UHRF2: variants seen among roughly 807,000 people sequenced by gnomAD.
UHRF2 encodes the protein E3 ubiquitin-protein ligase UHRF2.
Under a neutral mutation model 96.8 loss-of-function variants are expected in UHRF2, and 23 were observed. That is an observed-to-expected ratio of 0.24 (90% confidence interval 0.17 to 0.34). The LOEUF (loss-of-function observed/expected upper bound fraction) is 0.34. UHRF2 is among the 10% of genes least tolerant of loss of function. The pLI is 1.00. For missense variants in UHRF2, 685 were observed against 981.5 expected, an observed-to-expected ratio of 0.70 and a Z score of 4.04; for synonymous variants, 385 against 332.6, an observed-to-expected ratio of 1.16 and a Z score of -1.72.
rs1819503784 is a variant in UHRF2 at position 6,414,928 on chromosome 9, A to G, written c.153+1285A>G. On this transcript the variant is annotated intron_variant, in intron 1 of 15. Coordinates refer to ENST00000276893, the MANE Select transcript of UHRF2 (RefSeq NM_152896.3). ...CTTGTAAAAACAGGTATTTAGTTGT[A>G]AGCTTTGCTTTTGAAATAATTGTAC... Among the ~76,000 whole-genome samples the G allele has an allele frequency of 4.6e-5, 7 of 152,336 alleles. No individual in the cohort carries two copies. The South Asian group carries it at 1.4e-3, about 32-fold the overall frequency.
chr9:6,450,943 G>A (rs148208174), intron 3 of UHRF2, among the ~76,000 whole-genome samples: 2 of 152,172 alleles, frequency 1.3e-5, no homozygotes, highest in African/African-American at 2.4e-5. Flanking sequence ...AGGTCTTTTC[G>A]TTGGAAAAGA....
chr9:6,472,242 T>C, intron 4 of UHRF2, among the ~76,000 whole-genome samples: 1 of 152,208 alleles, frequency 6.6e-6, no homozygotes, highest in Non-Finnish European at 1.5e-5. Context: ...ATGTGTACTC[T>C]AGCTGCTAGC....
rs766612231 is a variant in UHRF2, at chr9:6,493,817, C to G, written c.1498-9C>G. The G allele has an allele frequency of 2.5e-6, 4 of 1,604,346 alleles. No homozygotes were observed. Among genetic ancestry groups the G allele is most frequent in the African/African-American group, 1.3e-5 (1 of 74,486 alleles). On this transcript the variant is annotated splice_polypyrimidine_tract_variant and intron_variant, in intron 9 of 15. Transcript: ENST00000276893. ...TAGCTTTCTTAATAAAGAAAATCTT[C>G]TCTGACAGGACCGAGGTGATGAGTT...
chr9:6,425,694 C>T (rs1820215953), intron 2 of UHRF2, among the ~76,000 whole-genome samples: 2 of 151,946 alleles, frequency 1.3e-5, no homozygotes, highest in African/African-American at 4.8e-5. Context: ...ACCCAGGAAG[C>T]AGAGGTTACG....
chr9:6,504,790 G>A (rs1587892568), intron 15 of UHRF2, 99 bp downstream of exon 15: 2 of 851,828 alleles, frequency 2.3e-6, no homozygotes, highest in Admixed American at 2.9e-5. Context: ...CCGTGAAGCG[G>A]GATAGTTGCG....
chr9:6,418,024 A>C (rs1016655605), intron 1 of UHRF2, among the ~76,000 whole-genome samples: 11 of 152,238 alleles, frequency 7.2e-5, no homozygotes, highest in East Asian at 3.9e-4. Context: ...TGCATGTTTT[A>C]TACTGTTAGT....
intron 15 of UHRF2, among the ~76,000 whole-genome samples, chr9:6,505,286 T>C (rs549960316): frequency 1.8e-4 from 27 of 152,146 alleles, no homozygotes; most frequent in African/African-American, 5.3e-4. Flanking sequence ...TATATGCGTG[T>C]GTGTGTGTGT....
intron 3 of UHRF2, among the ~76,000 whole-genome samples, chr9:6,442,864 C>G (rs940658577): frequency 6.6e-6 from 1 of 152,142 alleles, no homozygotes; most frequent in Non-Finnish European, 1.5e-5. Flanking sequence ...CACCTGTTCT[C>G]TTTATCCTCT....
chr9:6,486,610 ATT>A (rs1374549645), intron 8 of UHRF2, among the ~76,000 whole-genome samples: 2 of 152,180 alleles, frequency 1.3e-5, no homozygotes, highest in African/African-American at 4.8e-5. Context: ...GTTTGAGGAG[ATT>A]TAAAATGAGA....
In UHRF2 at chr9:6,413,406, A is replaced by T; in HGVS notation, c.-85A>T. 8.0e-7 allele frequency: 1 copy of T among 1,254,718 alleles called. No individual in the cohort carries two copies. The highest frequency in any genetic ancestry group is 1.0e-6 in the Non-Finnish European group (1 of 982,500). The allele number at this position is 1,254,718 out of a possible 1,614,324, so 77.7% of individuals were successfully genotyped here. A position where few individuals can be genotyped will look rare whatever the true frequency, so the allele number is the denominator to read the frequency against. On this transcript the variant is annotated 5_prime_UTR_variant, in exon 1 of 16. Transcript: ENST00000276893. ...GCCTGCCGCTGAGGGCCCGAGCCGC[A>T]GGGAAAGCGGCGCGGGCCGGGCGGG...
chr9:6,496,452 A>G (rs1008079958), intron 10 of UHRF2: 3 of 152,196 alleles, frequency 2.0e-5, no homozygotes, highest in African/African-American at 7.2e-5. Context: ...TTGATTTACT[A>G]CTATTAGGTG....
At chr9:6,501,124 C>T (rs1373815040) in intron 14 of UHRF2, among the ~76,000 whole-genome samples, 2 of 152,162 alleles carry the variant, frequency 1.3e-5, no homozygotes, top group Non-Finnish European at 2.9e-5. Context: ...ACCAGATTAT[C>T]TATTAAGTAT....
At chr9:6,459,108 C>G (rs1822362754) in intron 3 of UHRF2, among the ~76,000 whole-genome samples, 1 of 152,042 alleles carries the variant, frequency 6.6e-6, no homozygotes, top group South Asian at 2.1e-4. Flanking sequence ...AGGAGAAATA[C>G]CTAATGTAGA....
intron 12 of UHRF2, 32 bp from the exon 13 acceptor site, chr9:6,499,803 G>A (rs757227129): frequency 2.2e-5 from 34 of 1,526,498 alleles, no homozygotes; most frequent in Non-Finnish European, 2.8e-5. Flanking sequence ...GCTTAAATCT[G>A]CATTGTACTC....
intron 4 of UHRF2, among the ~76,000 whole-genome samples, chr9:6,469,849 G>A (rs1007410714): frequency 3.3e-5 from 5 of 151,600 alleles, no homozygotes; most frequent in African/African-American, 9.7e-5. Flanking sequence ...AGTGAAAACA[G>A]TATTTGAAAA....
intron 3 of UHRF2, among the ~76,000 whole-genome samples, chr9:6,438,089 C>G (rs1026511766): frequency 1.3e-5 from 2 of 151,914 alleles, no homozygotes; most frequent in African/African-American, 2.4e-5. Context: ...GAAGAGTAGC[C>G]AAAAAAACTA....
chr9:6,485,172 A>G (rs934978142), intron 8 of UHRF2, among the ~76,000 whole-genome samples: 2 of 152,194 alleles, frequency 1.3e-5, no homozygotes, highest in Non-Finnish European at 2.9e-5. Context: ...TAGTTGTATT[A>G]TAATTTTGGT....
rs750804667 is a variant in UHRF2 at position 6,497,982 on chromosome 9, T to C, written c.1768-36T>C. 3.1e-6 allele frequency: 5 copies of C among 1,606,276 alleles called. No homozygotes were observed. The African/African-American group carries it at 6.7e-5, about 22-fold the overall frequency. On this transcript the variant is annotated intron_variant, in intron 11 of 15. Transcript: ENST00000276893. ...TAATGTGATGAATAAGTCTAAATTT[T>C]AAATCTCAAACTGGCACTGAAATAT...
intron 9 of UHRF2, among the ~76,000 whole-genome samples, chr9:6,493,511 A>G (rs1824793599): frequency 6.6e-6 from 1 of 152,212 alleles, no homozygotes; most frequent in Non-Finnish European, 1.5e-5. Context: ...TGAATAAAAT[A>G]TAATATTTAA....
Sources: gnomAD v4.1 joint callset for allele counts (sites outside exome capture counted in the v4.1 genomes callset) on GRCh38, gnomAD v4.1.1 for gene constraint, MANE v1.5 for transcripts, NCBI Gene and HGNC (gene_info 2026-07-23, HGNC 2026-07-21) for gene names.